Variants in PI15 observed in about 807,000 individuals in gnomAD.
PI15 encodes the protein 25 kDa trypsin inhibitor.
In PI15, 18 loss-of-function variants were observed where a neutral mutation model predicts 31.0. The observed-to-expected ratio is 0.58, with a 90% CI of 0.40 to 0.86. The LOEUF is 0.86. Among genes scored for constraint, PI15 ranks in the 40% least tolerant of loss-of-function variants. The pLI, the probability that PI15 is intolerant of heterozygous loss-of-function variation, is 0.00. For missense variants in PI15, 282 were observed against 328.1 expected (o/e 0.86, Z 1.09); for synonymous variants, 118 against 119.1 (o/e 0.99, Z 0.06).
rs982606221 is a variant in PI15 at position 74,849,346 on chromosome 8, A to G, written c.*93A>G. 17 of 934,818 alleles carry G rather than the reference A, an allele frequency of 1.8e-5. No homozygotes were observed. In the Admixed American group the frequency reaches 2.1e-4, roughly 12 times the overall value. The allele number at this position is 934,818 out of a possible 1,614,324, so 57.9% of individuals were successfully genotyped here. A position where few individuals can be genotyped will look rare whatever the true frequency, so the allele number is the denominator to read the frequency against. ...AGAGAATTTTGCACATATTATACAT[A>G]TTTTGTGCTAATCTTGTTTTCCTCT... On this transcript the variant is annotated 3_prime_UTR_variant, in exon 6 of 6. Transcript: ENST00000260113.
chr8:74,848,246 T>A (rs1811052673), intron 5 of PI15, among the ~76,000 whole-genome samples: 1 of 152,162 alleles, frequency 6.6e-6, no homozygotes, highest in East Asian at 1.9e-4. Context: ...ACTTTTGAAA[T>A]CACCTTTAAT....
chr8:74,825,736 CAGAT>C (rs1017628010), intron 2 of PI15, among the ~76,000 whole-genome samples: 8 of 151,858 alleles, frequency 5.3e-5, no homozygotes, highest in Non-Finnish European at 1.5e-5. Flanking sequence ...CAGAGACAGA[CAGAT>C]AGAGAGAATC....
intron 2 of PI15, among the ~76,000 whole-genome samples, chr8:74,835,530 T>C (rs1410082390): frequency 6.6e-6 from 1 of 152,198 alleles, no homozygotes; most frequent in East Asian, 1.9e-4. Flanking sequence ...GTCTATATAC[T>C]GAAAGAATTA....
chr8:74,825,475 C>A lies in PI15; in HGVS notation c.226C>A (p.Gln76Lys). 6.2e-7 allele frequency: 1 copy of A among 1,612,296 alleles called. No individual in the cohort carries two copies. The highest frequency in any genetic ancestry group is 8.5e-7 in the Non-Finnish European group (1 of 1,179,032). Residue 76 changes from glutamine (Q) to lysine (K), a missense_variant, in exon 2 of 6, where the codon CAA becomes AAA. Transcript: ENST00000260113. Reference sequence around the variant, plus strand: ...GATCGCCATTCTTGATTATCATAATCAAGTTCGGGGCAAAGTGTTCCCACC... The same window carrying A: ...GATCGCCATTCTTGATTATCATAATAAAGTTCGGGGCAAAGTGTTCCCACC... ...DMIAILDYHN[Q>K]VRGKVFPPAA...
intron 2 of PI15, among the ~76,000 whole-genome samples, chr8:74,834,977 G>T (rs1371073886): frequency 2.7e-5 from 4 of 149,942 alleles, no homozygotes; most frequent in Non-Finnish European, 5.9e-5. Context: ...AATGGAAAGG[G>T]ATTCATTTTT....
chr8:74,838,714 A>C (rs1252396561), intron 2 of PI15, among the ~76,000 whole-genome samples: 1 of 152,168 alleles, frequency 6.6e-6, no homozygotes, highest in Non-Finnish European at 1.5e-5. Context: ...TTCTACATTT[A>C]ATTTTTATAT....
intron 3 of PI15, 58 bp from the exon 4 acceptor site, chr8:74,845,070 G>C (rs1811004488): frequency 7.2e-7 from 1 of 1,390,614 alleles, no homozygotes; most frequent in African/African-American, 1.4e-5. Context: ...AGTGTAACAT[G>C]AGTCCCTTAT....
chr8:74,851,193 G>A lies in PI15; in HGVS notation c.*1940G>A, dbSNP rs2128766891. The A allele has an allele frequency of 6.6e-6, 1 of 152,390 alleles. No individual in the cohort carries two copies. The highest frequency in any genetic ancestry group is 2.1e-4 in the South Asian group (1 of 4,824). 9.4% of individuals were successfully genotyped at this position (152,390 alleles called of 1,614,324 possible). On this transcript the variant is annotated 3_prime_UTR_variant, in exon 6 of 6. Coordinates refer to ENST00000260113, the MANE Select transcript of PI15 (RefSeq NM_015886.5). The stretch of plus-strand genomic sequence containing the variant: ...ATAAATATTTTTGGAGATTAAAATG[G>A]AGAATAGAAGTAATTACATTATTTA...
intron 2 of PI15, among the ~76,000 whole-genome samples, chr8:74,831,296 G>GT (rs546284401): frequency 6.6e-6 from 1 of 152,128 alleles, no homozygotes; most frequent in African/African-American, 2.4e-5. Context: ...ATTGGACACA[G>GT]TTTTTTTGGT....
intron 2 of PI15, 57 bp downstream of exon 2, chr8:74,825,579 A>T: frequency 7.1e-7 from 1 of 1,404,838 alleles, no homozygotes; most frequent in Non-Finnish European, 9.8e-7. Context: ...TTTATATTGT[A>T]CATCTGCAGA....
At chr8:74,845,584 A>C (rs989771213) in intron 5 of PI15, 87 bp downstream of exon 5, 3 of 804,356 alleles carry the variant, frequency 3.7e-6, no homozygotes, top group African/African-American at 3.4e-5. Context: ...CAGGTAAGTG[A>C]GTAAGGCTTA....
chr8:74,829,755 G>A (rs1810754298), intron 2 of PI15, among the ~76,000 whole-genome samples: 1 of 152,056 alleles, frequency 6.6e-6, no homozygotes, highest in Non-Finnish European at 1.5e-5. Flanking sequence ...AAAATACCAT[G>A]GAGGAGTTGA....
chr8:74,827,535 T>C (rs1384062877), intron 2 of PI15, among the ~76,000 whole-genome samples: 1 of 152,148 alleles, frequency 6.6e-6, no homozygotes, highest in Non-Finnish European at 1.5e-5. Flanking sequence ...TGATCTTCAT[T>C]TTACAAATGA....
chr8:74,833,044 G>A (rs569560763), intron 2 of PI15, among the ~76,000 whole-genome samples: 3 of 152,174 alleles, frequency 2.0e-5, no homozygotes, highest in South Asian at 4.2e-4. Flanking sequence ...GTAGGTAGGC[G>A]GGAAGGCATT....
At chr8:74,842,480 T>C (rs1810959225) in intron 2 of PI15, among the ~76,000 whole-genome samples, 1 of 152,138 alleles carries the variant, frequency 6.6e-6, no homozygotes, top group African/African-American at 2.4e-5. Context: ...AAATAATTAT[T>C]TTCAACAGGT....
chr8:74,852,560 AG>A lies in PI15; in HGVS notation c.*3308del, dbSNP rs972221830. The A allele has an allele frequency of 6.6e-6, 1 of 152,150 alleles. No homozygotes were observed. Among genetic ancestry groups the A allele is most frequent in the Non-Finnish European group, 1.5e-5 (1 of 67,982 alleles). The allele number at this position is 152,150 out of a possible 1,614,324, so 9.4% of individuals were successfully genotyped here. ...GCAGCGCCATAACATTCATTTAAAA[AG>A]TTTATGAAAACATTCATTTGAAAGT... On this transcript the variant is annotated 3_prime_UTR_variant, in exon 6 of 6. Transcript: ENST00000260113.
At chr8:74,848,732 T>TAGAGAG (rs1004356103) in intron 5 of PI15, among the ~76,000 whole-genome samples, 118 of 136,352 alleles carry the variant, frequency 8.7e-4, no homozygotes, top group African/African-American at 3.0e-3. Flanking sequence ...TATATATATA[T>TAGAGAG]AGAGAGAGAG....
At chr8:74,827,985 T>C (rs1810723770) in intron 2 of PI15, among the ~76,000 whole-genome samples, 1 of 152,130 alleles carries the variant, frequency 6.6e-6, no homozygotes, top group African/African-American at 2.4e-5. Flanking sequence ...ATACACTTCA[T>C]TCACACCTGT....
intron 2 of PI15, among the ~76,000 whole-genome samples, chr8:74,841,994 G>C (rs960352341): frequency 1.3e-5 from 2 of 151,082 alleles, no homozygotes; most frequent in Non-Finnish European, 1.5e-5. Context: ...GAGGTAAGAG[G>C]GTCTCTTGAA....
Sources: gnomAD v4.1 joint callset for allele counts (sites outside exome capture counted in the v4.1 genomes callset) on GRCh38, gnomAD v4.1.1 for gene constraint, MANE v1.5 for transcripts, NCBI Gene and HGNC (gene_info 2026-07-23, HGNC 2026-07-21) for gene names.